MTHFD1L: variants seen among roughly 807,000 people sequenced by gnomAD.
MTHFD1L encodes the protein methylenetetrahydrofolate dehydrogenase (NADP+ dependent) 1 like.
A neutral mutation model predicts 119.5 loss-of-function variants in MTHFD1L; 81 were observed. That is an observed-to-expected ratio of 0.68 (90% CI 0.57 to 0.82). The LOEUF is 0.82. MTHFD1L is among the 40% of genes least tolerant of loss of function. The probability of loss-of-function intolerance (pLI) is 0.00; values close to 1 mark genes in which losing one functional copy is unlikely to be tolerated. For synonymous variants in MTHFD1L, 430 were observed against 475.2 expected (o/e 0.90, Z 1.24); for missense variants, 1,125 against 1,253.4 (o/e 0.90, Z 1.55).
intron 7 of MTHFD1L, among the ~76,000 whole-genome samples, chr6:150,889,205 A>G (rs1782824100): frequency 1.3e-5 from 2 of 151,942 alleles, no homozygotes; most frequent in African/African-American, 4.8e-5. Context: ...ATTAACTATT[A>G]AAAATGGTGC....
At chr6:150,892,924 G>C (rs914921988) in intron 7 of MTHFD1L, among the ~76,000 whole-genome samples, 7 of 149,418 alleles carry the variant, frequency 4.7e-5, no homozygotes, top group Non-Finnish European at 1.0e-4. Context: ...CTCAATGGCT[G>C]TCTGGAGGCC....
At chr6:150,981,758 C>T (rs1344098058) in intron 20 of MTHFD1L, among the ~76,000 whole-genome samples, 3 of 152,200 alleles carry the variant, frequency 2.0e-5, no homozygotes, top group Non-Finnish European at 4.4e-5. Flanking sequence ...ATAATTTTCA[C>T]GTGTAATAAT....
intron 27 of MTHFD1L, among the ~76,000 whole-genome samples, chr6:151,094,430 T>C (rs769294808): frequency 1.3e-5 from 2 of 152,236 alleles, no homozygotes; most frequent in Admixed American, 1.3e-4. Context: ...TGGCGTGATC[T>C]CTGCTCACTG....
intron 16 of MTHFD1L, among the ~76,000 whole-genome samples, chr6:150,950,945 A>T (rs1462063699): frequency 2.6e-5 from 4 of 151,234 alleles, no homozygotes; most frequent in Admixed American, 2.6e-4. Context: ...CTGGGATTAC[A>T]TGCGTGAGCC....
chr6:150,940,859 C>T (rs1159109903), intron 13 of MTHFD1L, among the ~76,000 whole-genome samples: 1 of 152,162 alleles, frequency 6.6e-6, no homozygotes, highest in Admixed American at 6.5e-5. Context: ...GGATTACAGG[C>T]GTGAGCCACC....
At chr6:151,066,808 C>G (rs1791345991) in intron 26 of MTHFD1L, among the ~76,000 whole-genome samples, 1 of 151,722 alleles carries the variant, frequency 6.6e-6, no homozygotes. Flanking sequence ...GTTGGTTCTT[C>G]CAAAGAGCCA....
At chr6:150,874,879 A>G (rs950368462) in intron 1 of MTHFD1L, among the ~76,000 whole-genome samples, 1 of 150,180 alleles carries the variant, frequency 6.7e-6, no homozygotes, top group Non-Finnish European at 1.5e-5. Context: ...TCTCCCGAGT[A>G]GCTCAGATTA....
intron 8 of MTHFD1L, among the ~76,000 whole-genome samples, chr6:150,916,960 C>T (rs1788084714): frequency 6.6e-6 from 1 of 150,874 alleles, no homozygotes; most frequent in African/African-American, 2.4e-5. Context: ...GGGGTTTCTC[C>T]ATGTTGGTCA....
At position 150,888,598 on chromosome 6, in the gene MTHFD1L, G is replaced by C. The variant is rs73615075; in HGVS notation, c.780+617G>C. Among the ~76,000 whole-genome samples, 167 of 152,244 alleles carry C rather than the reference G, an allele frequency of 1.1e-3. 1 individual carries two copies. The highest frequency in any genetic ancestry group is 3.9e-3 in the African/African-American group (161 of 41,534). On this transcript the variant is annotated intron_variant, in intron 7 of 27. Transcript: ENST00000367321. ...TAAAAGCAGAGGTATCATCTTCATG[G>C]AGAAGATGCAATATCTTAAAGATAC...
chr6:150,938,862 G>A, intron 13 of MTHFD1L, 117 bp downstream of exon 13: 1 of 1,213,072 alleles, frequency 8.2e-7, no homozygotes, highest in Non-Finnish European at 1.2e-6. Context: ...AGTCATTAAG[G>A]CTCTGAAACC....
intron 23 of MTHFD1L, 32 bp downstream of exon 23, chr6:151,015,012 A>G: frequency 6.4e-7 from 1 of 1,564,878 alleles, no homozygotes; most frequent in South Asian, 1.1e-5. Context: ...AAATGTGGGC[A>G]TTATCACTAG....
chr6:150,939,681 C>CTATTTTTT (rs1175796074), intron 13 of MTHFD1L, among the ~76,000 whole-genome samples: 1 of 94,082 alleles, frequency 1.1e-5, no homozygotes, highest in Admixed American at 1.1e-4. Flanking sequence ...TCCTTGCAGA[C>CTATTTTTT]TCTTTTTTTT....
chr6:150,957,886 G>A (rs115308051), intron 17 of MTHFD1L, among the ~76,000 whole-genome samples: 1,572 of 152,262 alleles, frequency 0.01, 19 homozygotes, highest in African/African-American at 0.035. Context: ...GTAGAAAGAT[G>A]TATGCCAACT....
chr6:150,935,133 C>A (rs550537972), intron 11 of MTHFD1L: 2 of 1,613,640 alleles, frequency 1.2e-6, no homozygotes, highest in African/African-American at 2.7e-5. Context: ...GGATTTAACA[C>A]TGAGAAAATT....
chr6:150,951,579 G>T (rs1398105193), intron 16 of MTHFD1L, among the ~76,000 whole-genome samples: 3 of 151,892 alleles, frequency 2.0e-5, no homozygotes, highest in African/African-American at 7.3e-5. Context: ...TGTTGTAATG[G>T]CCATTTTAAA....
intron 26 of MTHFD1L, among the ~76,000 whole-genome samples, chr6:151,044,869 A>G (rs1255665972): frequency 6.6e-6 from 1 of 152,184 alleles, no homozygotes; most frequent in African/African-American, 2.4e-5. Context: ...GGGTGGGGTT[A>G]CTGGACTGAG....
At chr6:151,016,084 C>G (rs1021631451) in intron 24 of MTHFD1L, among the ~76,000 whole-genome samples, 1 of 152,128 alleles carries the variant, frequency 6.6e-6, no homozygotes, top group Non-Finnish European at 1.5e-5. Context: ...CAGAGTGAGA[C>G]CCTGTCTCAA....
chr6:150,885,801 ATTTG>A, intron 6 of MTHFD1L, 67 bp downstream of exon 6: 1 of 1,287,118 alleles, frequency 7.8e-7, no homozygotes, highest in South Asian at 1.3e-5. Context: ...TTTAATAAGG[ATTTG>A]TTTGGGGAAG....
intron 8 of MTHFD1L, 64 bp downstream of exon 8, chr6:150,905,825 C>T: frequency 2.4e-6 from 3 of 1,273,634 alleles, no homozygotes; most frequent in South Asian, 2.4e-5. Flanking sequence ...AAATGTTAAC[C>T]TTTTCCTAAG....
Sources: allele counts gnomAD v4.1 joint callset (sites outside exome capture counted in the v4.1 genomes callset), GRCh38; gene constraint gnomAD v4.1.1; transcripts MANE v1.5; gene names NCBI Gene and HGNC (gene_info 2026-07-23, HGNC 2026-07-21).